Variants in ZNF385D observed in about 807,000 individuals in gnomAD.
The protein encoded by ZNF385D is zinc finger protein 385D.
ZNF385D carries 15 observed loss-of-function variants against 35.8 expected under a neutral mutation model. The ratio of observed to expected loss-of-function variants is 0.42; its 90% CI spans 0.28 to 0.64. The LOEUF (loss-of-function observed/expected upper bound fraction) is 0.64, where lower values mean the gene tolerates loss of function less well. Among genes scored for constraint, ZNF385D ranks in the 30% least tolerant of loss-of-function variants. The pLI is 0.23. For missense variants in ZNF385D, 474 were observed against 494.6 expected (o/e 0.96, Z 0.39); for synonymous variants, 212 against 186.8 (o/e 1.13, Z -1.10).
intron 2 of ZNF385D, among the ~76,000 whole-genome samples, chr3:22,183,673 T>G (rs1695436815): frequency 6.6e-6 from 1 of 152,204 alleles, no homozygotes; most frequent in Admixed American, 6.6e-5. Flanking sequence ...TAAAAGTATA[T>G]TTCTATTGTA....
chr3:22,246,380 T>G (rs750656755), intron 2 of ZNF385D, among the ~76,000 whole-genome samples: 54 of 152,268 alleles, frequency 3.5e-4, no homozygotes, highest in Middle Eastern at 6.8e-3. Context: ...TAATGTGTTA[T>G]GAATACCTTA....
intron 3 of ZNF385D, among the ~76,000 whole-genome samples, chr3:22,050,219 C>G (rs1450450226): frequency 6.6e-6 from 1 of 151,500 alleles, no homozygotes; most frequent in African/African-American, 2.4e-5. Context: ...AAAAGCAGCT[C>G]TCTGTGGTGG....
Position 22,195,757 on chromosome 3 carries a change from G to A in ZNF385D, c.107-26722C>T, listed in dbSNP as rs187099642. On this transcript the variant is annotated intron_variant, in intron 2 of 5. Transcript: ENST00000494108. ...TTGCAGCACTATTCACAATAGCAAAGACATGGAATCAACCTAAATGCCTAT... is the reference window on the plus strand; with the variant it reads ...TTGCAGCACTATTCACAATAGCAAAAACATGGAATCAACCTAAATGCCTAT... Among the ~76,000 whole-genome samples, 145 of 151,986 alleles carry A rather than the reference G, an allele frequency of 9.5e-4. 1 individual carries two copies. The highest frequency in any genetic ancestry group is 5.1e-3 in the Admixed American group (78 of 15,208).
chr3:22,124,623 G>A (rs1703320406), intron 3 of ZNF385D, among the ~76,000 whole-genome samples: 1 of 152,114 alleles, frequency 6.6e-6, no homozygotes, highest in African/African-American at 2.4e-5. Context: ...TTTAAATAGG[G>A]TGAGGTAATA....
intron 2 of ZNF385D, among the ~76,000 whole-genome samples, chr3:22,298,718 A>T (rs182549778): frequency 2.6e-5 from 4 of 150,962 alleles, no homozygotes; most frequent in Admixed American, 1.3e-4. Context: ...CCAAAAAAAA[A>T]AAATAAAATG....
chr3:21,468,544 G>T (rs1703674614), intron 4 of ZNF385D, among the ~76,000 whole-genome samples: 1 of 151,796 alleles, frequency 6.6e-6, no homozygotes. Flanking sequence ...ATACTACTCA[G>T]CAATAAAAAG....
At position 22,173,317 on chromosome 3, in the gene ZNF385D, T is replaced by C. The variant is rs1694592712; in HGVS notation, c.107-4282A>G. ...TGAAATCCAAATAAAACGTAGAGTA[T>C]CATTAATAATAATGTATTATTAGTT... On this transcript the variant is annotated intron_variant, in intron 2 of 5. Transcript: ENST00000494108. 3.9e-5 allele frequency among the ~76,000 whole-genome samples: 6 copies of C among 152,274 alleles called. No individual in the cohort carries two copies. The South Asian group carries it at 1.2e-3, about 32-fold the overall frequency.
At chr3:22,001,488 C>G (rs1695843344) in intron 3 of ZNF385D, among the ~76,000 whole-genome samples, 1 of 151,940 alleles carries the variant, frequency 6.6e-6, no homozygotes. Flanking sequence ...ATATATAAAA[C>G]AAATATTACT....
chr3:21,451,016 T>C (rs1332305258), intron 4 of ZNF385D, among the ~76,000 whole-genome samples: 4 of 152,058 alleles, frequency 2.6e-5, no homozygotes, highest in Non-Finnish European at 5.9e-5. Flanking sequence ...TTTTTCAAGA[T>C]AAGACAGAAT....
chr3:21,935,075 C>A (rs561115942), intron 3 of ZNF385D, among the ~76,000 whole-genome samples: 1 of 152,218 alleles, frequency 6.6e-6, no homozygotes, highest in Admixed American at 6.5e-5. Flanking sequence ...CATTAATTAA[C>A]TGATTTGCCT....
At chr3:21,738,570 C>T (rs1342462826) in intron 1 of ZNF385D, among the ~76,000 whole-genome samples, 1 of 152,172 alleles carries the variant, frequency 6.6e-6, no homozygotes, top group Non-Finnish European at 1.5e-5. Flanking sequence ...GAAGCTGAGG[C>T]TCAGGACAAT....
chr3:21,975,987 G>A (rs1034254797), intron 3 of ZNF385D, among the ~76,000 whole-genome samples: 1 of 151,976 alleles, frequency 6.6e-6, no homozygotes, highest in African/African-American at 2.4e-5. Context: ...GTTCTAGGGA[G>A]ACCAGACTTC....
intron 2 of ZNF385D, among the ~76,000 whole-genome samples, chr3:21,574,955 T>C (rs2063450733): frequency 6.6e-6 from 1 of 151,788 alleles, no homozygotes; most frequent in African/African-American, 2.4e-5. Flanking sequence ...ACTAGGTAAG[T>C]GGCTAAAGAG....
intron 3 of ZNF385D, among the ~76,000 whole-genome samples, chr3:21,989,465 C>T (rs1398991650): frequency 1.3e-5 from 2 of 152,084 alleles, no homozygotes; most frequent in African/African-American, 2.4e-5. Context: ...GATTATGGAT[C>T]GGTTTAGACA....
At chr3:21,791,820 C>A (rs987668651) in intron 3 of ZNF385D, among the ~76,000 whole-genome samples, 4 of 152,098 alleles carry the variant, frequency 2.6e-5, no homozygotes, top group African/African-American at 9.7e-5. Flanking sequence ...CTGCAACCTC[C>A]GACTCCCTGG....
intron 2 of ZNF385D, among the ~76,000 whole-genome samples, chr3:21,587,201 G>A (rs1052923723): frequency 2.0e-5 from 3 of 152,086 alleles, no homozygotes; most frequent in South Asian, 4.1e-4. Flanking sequence ...GTGAAAAGGA[G>A]CATTCAACTC....
intron 3 of ZNF385D, among the ~76,000 whole-genome samples, chr3:21,962,248 A>G (rs187731863): frequency 2.0e-5 from 3 of 152,240 alleles, no homozygotes; most frequent in East Asian, 3.9e-4. Flanking sequence ...AGAAATGAAG[A>G]TTTCAGAGGT....
intron 1 of ZNF385D, among the ~76,000 whole-genome samples, chr3:21,673,739 A>G (rs74775285): frequency 0.01 from 1,527 of 152,288 alleles, 33 homozygotes; most frequent in African/African-American, 0.034. Context: ...TGCTTTAGAT[A>G]AAAATAATAT....
chr3:21,532,126 CG>C (rs911370954), intron 3 of ZNF385D, among the ~76,000 whole-genome samples: 11 of 152,096 alleles, frequency 7.2e-5, no homozygotes, highest in African/African-American at 2.7e-4. Flanking sequence ...GCACCTCCTT[CG>C]GATGTGGTTA....
Sources: allele counts gnomAD v4.1 joint callset (sites outside exome capture counted in the v4.1 genomes callset), GRCh38; gene constraint gnomAD v4.1.1; transcripts MANE v1.5; gene names NCBI Gene and HGNC (gene_info 2026-07-23, HGNC 2026-07-21).